Variants in BLK observed in about 807,000 individuals in gnomAD.
The protein encoded by BLK is BLK proto-oncogene, Src family tyrosine kinase, also known as tyrosine-protein kinase Blk.
In BLK, 64 loss-of-function variants were observed where a neutral mutation model predicts 61.8. That is an observed-to-expected ratio of 1.03 (90% CI 0.85 to 1.27). The LOEUF is 1.27. BLK is among the 50% of genes most tolerant of loss of function. BLK has a pLI of 0.00. For missense variants in BLK, 853 were observed against 660.5 expected (o/e 1.29, Z -3.19); for synonymous variants, 351 against 272.0 (o/e 1.29, Z -2.86).
At chr8:11,497,733 C>T (rs1226182369) in intron 1 of BLK, among the ~76,000 whole-genome samples, 1 of 152,228 alleles carries the variant, frequency 6.6e-6, no homozygotes, top group Non-Finnish European at 1.5e-5. Flanking sequence ...CATCCCTAAT[C>T]GTGGTGCACC....
intron 1 of BLK, among the ~76,000 whole-genome samples, chr8:11,541,473 C>T (rs958257007): frequency 9.9e-5 from 15 of 151,440 alleles, no homozygotes; most frequent in Admixed American, 7.3e-4. Context: ...AGTAGCCAGC[C>T]GCAATACAAA....
At chr8:11,521,428 C>G (rs1408255630) in intron 1 of BLK, among the ~76,000 whole-genome samples, 1 of 152,270 alleles carries the variant, frequency 6.6e-6, no homozygotes, top group African/African-American at 2.4e-5. Context: ...GTAGCTGGGA[C>G]TACAGGCGTA....
rs1193739481 is a variant in BLK, at chr8:11,556,014, TTGGTCCATGAGTCCTCCCTTACCTGGGGC to T, written c.772+543_772+571del. Reference sequence around the variant, plus strand: ...ACTCGTGTTCCGTTTTATCCCTGGATTGGTCCATGAGTCCTCCCTTACCTGGGGCTGGTCCATGAGTGCTCCCTTACCTG... The same window carrying T: ...ACTCGTGTTCCGTTTTATCCCTGGATTGGTCCATGAGTGCTCCCTTACCTG... On this transcript the variant is annotated intron_variant, in intron 8 of 12. Transcript: ENST00000259089. The T allele has an allele frequency of 4.3e-4, 124 of 286,642 alleles. 1 individual carries two copies. Among genetic ancestry groups the T allele is most frequent in the African/African-American group, 2.2e-3 (100 of 45,958 alleles). 17.8% of individuals were successfully genotyped at this position (286,642 alleles called of 1,614,324 possible). A position where few individuals can be genotyped will look rare whatever the true frequency, so the allele number is the denominator to read the frequency against.
At position 11,548,059 on chromosome 8, in the gene BLK, ACTACACCG is replaced by A; in HGVS notation, c.207_214del (p.Thr70GlufsTer2). 1 of 1,613,968 alleles carries A rather than the reference ACTACACCG, an allele frequency of 6.2e-7. No individual in the cohort carries two copies. The highest frequency in any genetic ancestry group is 1.1e-5 in the South Asian group (1 of 91,072). On this transcript the variant is annotated frameshift_variant, in exon 4 of 13. Coordinates refer to ENST00000259089, the MANE Select transcript of BLK (RefSeq NM_001715.3). LOFTEE classifies it high-confidence loss of function. ...AAGCATTTCGTGGTGGCTCTGTATGACTACACCGCTATGAATGATCGGGACCTGCAGAT... is the reference window on the plus strand; with the variant it reads ...AAGCATTTCGTGGTGGCTCTGTATGACTATGAATGATCGGGACCTGCAGAT...
Position 11,548,042 on chromosome 8 carries a change from C to T in BLK, c.186C>T (p.Phe62=), listed in dbSNP as rs56065800. Residue 62 remains phenylalanine, a synonymous_variant, in exon 4 of 13, where the codon TTC becomes TTT. Transcript: ENST00000259089. Reference sequence around the variant, plus strand: ...CCTTGTTCATTTTAGACAAGCATTTCGTGGTGGCTCTGTATGACTACACCG... The same window carrying T: ...CCTTGTTCATTTTAGACAAGCATTTTGTGGTGGCTCTGTATGACTACACCG... The part of the protein sequence containing the change: ...PDEHLDEDKH[F]VVALYDYTAM... The T allele has an allele frequency of 2.2e-5, 36 of 1,613,910 alleles. No homozygotes were observed. Among genetic ancestry groups the T allele is most frequent in the Admixed American group, 8.3e-5 (5 of 60,006 alleles).
intron 3 of BLK, among the ~76,000 whole-genome samples, 159 bp downstream of exon 3, chr8:11,546,262 T>A (rs771328327): frequency 6.6e-6 from 1 of 152,010 alleles, no homozygotes; most frequent in Non-Finnish European, 1.5e-5. Flanking sequence ...TCTTGGGGCG[T>A]CTCTTCAGGA....
At chr8:11,538,422 C>G (rs553633948) in intron 1 of BLK, among the ~76,000 whole-genome samples, 1 of 152,310 alleles carries the variant, frequency 6.6e-6, no homozygotes, top group Non-Finnish European at 1.5e-5. Flanking sequence ...TAGGGGGACC[C>G]ATAGAGACCT....
chr8:11,515,579 C>T (rs1378059535), intron 1 of BLK, among the ~76,000 whole-genome samples: 1 of 152,148 alleles, frequency 6.6e-6, no homozygotes, highest in East Asian at 1.9e-4. Context: ...TGGATGCCTG[C>T]CTCTATTTCC....
At chr8:11,495,899 A>AT (rs1161323291) in intron 1 of BLK, among the ~76,000 whole-genome samples, 4 of 152,212 alleles carry the variant, frequency 2.6e-5, no homozygotes, top group African/African-American at 9.6e-5. Context: ...GAAATATGGA[A>AT]ATTCTCTGTG....
At chr8:11,530,284 T>C (rs755992908) in intron 1 of BLK, among the ~76,000 whole-genome samples, 17 of 152,216 alleles carry the variant, frequency 1.1e-4, no homozygotes, top group Non-Finnish European at 2.4e-4. Context: ...TCCTTTCTTC[T>C]TGAGGTCCCA....
intron 1 of BLK, among the ~76,000 whole-genome samples, chr8:11,525,344 A>T (rs1348133034): frequency 6.6e-6 from 1 of 152,216 alleles, no homozygotes; most frequent in African/African-American, 2.4e-5. Flanking sequence ...TGTGAATTTC[A>T]GTCCCCAGAA....
chr8:11,561,403 T>G lies in BLK; in HGVS notation c.1131T>G (p.Ala377=). 6.2e-7 allele frequency: 1 copy of G among 1,614,162 alleles called. No homozygotes were observed. The highest frequency in any genetic ancestry group is 1.1e-5 in the South Asian group (1 of 91,078). ...LVSEALCCKI[A]DFGLARIIDS... ...CTGAGGCCTTGTGCTGCAAAATTGC[T>G]GATTTTGGCTTGGCTCGAATCATCG... Residue 377 remains alanine (A), a synonymous_variant, in exon 11 of 13, where the codon GCT becomes GCG. Transcript: ENST00000259089.
intron 3 of BLK, among the ~76,000 whole-genome samples, chr8:11,546,995 G>A (rs541516761): frequency 6.6e-6 from 1 of 152,336 alleles, no homozygotes; most frequent in South Asian, 2.1e-4. Flanking sequence ...CTCCTTCAAA[G>A]TGACTTCCCG....
chr8:11,546,248 T>C lies in BLK; in HGVS notation c.175+145T>C, dbSNP rs1048003689. The C allele has an allele frequency of 6.1e-6, 6 of 981,916 alleles. No individual in the cohort carries two copies. In the African/African-American group the frequency reaches 6.4e-5, roughly 10 times the overall value. 60.8% of individuals were successfully genotyped at this position (981,916 alleles called of 1,614,324 possible). A position where few individuals can be genotyped will look rare whatever the true frequency, so the allele number is the denominator to read the frequency against. On this transcript the variant is annotated intron_variant, in intron 3 of 12. Transcript: ENST00000259089. ...GAAGCTGAGAGAGGCCCCGGCTCTG[T>C]GCCTCTTGGGGCGTCTCTTCAGGAA...
At chr8:11,548,949 A>C (rs1437817596) in intron 4 of BLK, 75 bp from the exon 5 acceptor site, 1 of 1,315,368 alleles carries the variant, frequency 7.6e-7, no homozygotes, top group Admixed American at 2.0e-5. Context: ...GATGACTTTG[A>C]GGAGGCCTGA....
At chr8:11,535,777 C>T (rs575104733) in intron 1 of BLK, among the ~76,000 whole-genome samples, 1 of 152,322 alleles carries the variant, frequency 6.6e-6, no homozygotes, top group East Asian at 1.9e-4. Context: ...ATCACCTCCT[C>T]GACAGCATCT....
intron 1 of BLK, among the ~76,000 whole-genome samples, chr8:11,532,425 G>T (rs1221386858): frequency 6.7e-6 from 1 of 148,912 alleles, no homozygotes; most frequent in South Asian, 2.1e-4. Context: ...TGGCCAGGCT[G>T]GTCTCGAACT....
intron 9 of BLK, 42 bp from the exon 10 acceptor site, chr8:11,557,920 G>C: frequency 6.3e-7 from 1 of 1,592,976 alleles, no homozygotes. Context: ...ACCAGGGGCG[G>C]GTCACTTTGC....
rs565993302 is a variant in BLK, at chr8:11,507,251, A to C, written c.-2+12660A>C. Among the ~76,000 whole-genome samples, 169 of 152,330 alleles carry C rather than the reference A, an allele frequency of 1.1e-3. 1 individual carries two copies. Among genetic ancestry groups the C allele is most frequent in the African/African-American group, 3.9e-3 (161 of 41,582 alleles). ...GGCTAGGGAGGAAGGACAGCTTGAC[A>C]ACTAGTTAGAATTGGAAGGACGATG... On this transcript the variant is annotated intron_variant, in intron 1 of 12. Coordinates refer to ENST00000259089, the MANE Select transcript of BLK (RefSeq NM_001715.3).
Sources: allele counts gnomAD v4.1 joint callset (sites outside exome capture counted in the v4.1 genomes callset), GRCh38; gene constraint gnomAD v4.1.1; transcripts MANE v1.5; gene names NCBI Gene and HGNC (gene_info 2026-07-23, HGNC 2026-07-21).